ACOXL: variants seen among roughly 807,000 people sequenced by gnomAD.
ACOXL encodes the protein acyl-CoA oxidase like, also known as acyl-coenzyme A oxidase-like protein.
A neutral mutation model predicts 71.9 loss-of-function variants in ACOXL; 70 were observed. That is an observed-to-expected ratio of 0.97 (90% CI 0.80 to 1.19). The LOEUF (loss-of-function observed/expected upper bound fraction) is 1.19, where lower values mean the gene tolerates loss of function less well. Ranked by LOEUF, ACOXL falls within the 50% of genes most tolerant of loss-of-function variation. The pLI, the probability that ACOXL is intolerant of heterozygous loss-of-function variation, is 0.00. For synonymous variants in ACOXL, 253 were observed against 281.6 expected, an observed-to-expected ratio of 0.90 and a Z score of 1.02; for missense variants, 703 against 736.3, an observed-to-expected ratio of 0.95 and a Z score of 0.52.
intron 14 of ACOXL, among the ~76,000 whole-genome samples, chr2:111,025,667 G>T (rs1022988810): frequency 2.0e-5 from 3 of 152,124 alleles, no homozygotes; most frequent in African/African-American, 7.2e-5. Flanking sequence ...GTTTTCCTGT[G>T]ACTGAGCTGT....
chr2:110,886,547 T>G (rs1472423614), intron 10 of ACOXL, among the ~76,000 whole-genome samples: 1 of 152,012 alleles, frequency 6.6e-6, no homozygotes, highest in East Asian at 1.9e-4. Flanking sequence ...TGGCTAGTAT[T>G]TTTGTATTTC....
chr2:110,828,787 G>A lies in ACOXL; in HGVS notation c.754-12584G>A, dbSNP rs926255905. On this transcript the variant is annotated intron_variant, in intron 9 of 17. Coordinates refer to ENST00000439055, the MANE Select transcript of ACOXL (RefSeq NM_001142807.4). ...TAAGGATGCTTCTTTGGGGAGCTCT[G>A]AGGAATCACCCACTTGTACTATCTT... Among the ~76,000 whole-genome samples, 12 of 152,170 alleles carry A rather than the reference G, an allele frequency of 7.9e-5. No individual in the cohort carries two copies. The South Asian group carries it at 2.3e-3, about 29-fold the overall frequency.
At chr2:110,878,390 G>A (rs566680279) in intron 10 of ACOXL, among the ~76,000 whole-genome samples, 2 of 152,298 alleles carry the variant, frequency 1.3e-5, no homozygotes, top group South Asian at 4.1e-4. Context: ...ACAAAGAAAT[G>A]GAAAATATTC....
At chr2:111,081,144 C>T (rs1244388527) in intron 16 of ACOXL, among the ~76,000 whole-genome samples, 1 of 152,134 alleles carries the variant, frequency 6.6e-6, no homozygotes, top group Non-Finnish European at 1.5e-5. Flanking sequence ...CACTCCTATT[C>T]AACATAGTAT....
chr2:110,740,407 G>A lies in ACOXL; in HGVS notation c.-23+7633G>A, dbSNP rs1334756554. Reference sequence around the variant, plus strand: ...GATGGGCCGGTGAGTGGTGAGGTGGGCCCTGGCTCCCAGGAGCTTCTGCAG... The same window carrying A: ...GATGGGCCGGTGAGTGGTGAGGTGGACCCTGGCTCCCAGGAGCTTCTGCAG... On this transcript the variant is annotated intron_variant, in intron 1 of 17. Transcript: ENST00000439055. 5.3e-5 allele frequency among the ~76,000 whole-genome samples: 8 copies of A among 152,268 alleles called. No individual in the cohort carries two copies. In the South Asian group the frequency reaches 1.7e-3, roughly 32 times the overall value.
chr2:110,970,412 A>G (rs1273304597), intron 12 of ACOXL, among the ~76,000 whole-genome samples: 1 of 152,262 alleles, frequency 6.6e-6, no homozygotes, highest in Non-Finnish European at 1.5e-5. Flanking sequence ...GTCAGTTTAC[A>G]CAGAAAAAGC....
At chr2:110,845,581 A>G (rs1691730078) in intron 10 of ACOXL, among the ~76,000 whole-genome samples, 1 of 152,198 alleles carries the variant, frequency 6.6e-6, no homozygotes, top group Non-Finnish European at 1.5e-5. Flanking sequence ...TAAACAATAC[A>G]TTTCCTTCCT....
At chr2:110,878,022 T>C (rs1425670783) in intron 10 of ACOXL, among the ~76,000 whole-genome samples, 1 of 152,228 alleles carries the variant, frequency 6.6e-6, no homozygotes, top group Admixed American at 6.5e-5. Flanking sequence ...TCAACGTTTT[T>C]AAGCAAGCTC....
At position 110,995,974 on chromosome 2, in the gene ACOXL, G is replaced by C; in HGVS notation, c.1251G>C (p.Gln417His). 14 of 1,591,018 alleles carry C rather than the reference G, an allele frequency of 8.8e-6. No homozygotes were observed. Among genetic ancestry groups the C allele is most frequent in the Non-Finnish European group, 1.2e-5 (14 of 1,179,132 alleles). ...TGAAATTTCGTGAAAGGGTTCTTCA[G>C]CGGGGTTTGGTGGCCAGAATTTATT... is the stretch of plus-strand genomic sequence containing the variant. ...KAVKFRERVL[Q>H]RGLVARIYYK... Residue 417 changes from glutamine to histidine, a missense_variant, in exon 14 of 18, where the codon CAG becomes CAC. Physicochemically the swap from Gln to His is conservative, Grantham distance 24. Coordinates refer to ENST00000439055, the MANE Select transcript of ACOXL (RefSeq NM_001142807.4).
At chr2:111,093,405 C>G in intron 17 of ACOXL, 36 of 1,596,586 alleles carry the variant, frequency 2.3e-5, no homozygotes, top group Non-Finnish European at 3.1e-5. Flanking sequence ...GTATTCACCA[C>G]GAAAATGCTA....
intron 10 of ACOXL, among the ~76,000 whole-genome samples, chr2:110,867,861 C>A (rs1694797889): frequency 6.6e-6 from 1 of 152,080 alleles, no homozygotes; most frequent in Non-Finnish European, 1.5e-5. Context: ...CTCTTGGGCT[C>A]ACGCCATTCT....
chr2:110,740,532 A>G (rs1035873460), intron 1 of ACOXL, among the ~76,000 whole-genome samples: 1 of 152,202 alleles, frequency 6.6e-6, no homozygotes, highest in African/African-American at 2.4e-5. Flanking sequence ...TATCCCAGAC[A>G]TCCTATTTTC....
At chr2:110,988,586 A>G (rs2063035921) in intron 13 of ACOXL, among the ~76,000 whole-genome samples, 1 of 152,204 alleles carries the variant, frequency 6.6e-6, no homozygotes, top group African/African-American at 2.4e-5. Flanking sequence ...ACTTTACTAG[A>G]TAGTGACAAA....
intron 16 of ACOXL, among the ~76,000 whole-genome samples, chr2:111,053,375 T>TTGTG (rs3051585): frequency 6.9e-4 from 105 of 151,792 alleles, no homozygotes; most frequent in Middle Eastern, 6.8e-3. Context: ...AACATGGATT[T>TTGTG]TGTGTGTGTG....
rs567889198 is a variant in ACOXL at position 110,936,901 on chromosome 2, G to A, written c.1059+3259G>A. 6.0e-5 allele frequency among the ~76,000 whole-genome samples: 9 copies of A among 151,072 alleles called. No individual in the cohort carries two copies. The East Asian group carries it at 1.6e-3, about 26-fold the overall frequency. ...CTTGCTGTGTTGCCCAGGCTGGAGT[G>A]CAATGGTGCAATCTTGGCTCACCAC... On this transcript the variant is annotated intron_variant, in intron 12 of 17. Transcript: ENST00000439055.
intron 11 of ACOXL, among the ~76,000 whole-genome samples, chr2:110,918,091 G>A (rs4438527): frequency 6.6e-6 from 1 of 152,122 alleles, no homozygotes; most frequent in African/African-American, 2.4e-5. Flanking sequence ...AAAAGAGTCC[G>A]CATAGCCAAG....
rs777944015 is a variant in ACOXL, at chr2:110,841,385, A to G, written c.768A>G (p.Ile256Met). The G allele has an allele frequency of 6.8e-6, 11 of 1,610,006 alleles. No homozygotes were observed. Among genetic ancestry groups the G allele is most frequent in the East Asian group, 2.2e-5 (1 of 44,870 alleles). Reference sequence around the variant, plus strand: ...TTTAATTACAGCTTGGGTTGACGATAGCCATTCGCTATAGCCACAGGTAAA... The same window carrying G: ...TTTAATTACAGCTTGGGTTGACGATGGCCATTCGCTATAGCCACAGGTAAA... ...AMGAMKLGLT[I>M]AIRYSHSRRQ... The change falls in exon 10 of 18, where the codon ATA becomes ATG. Residue 256 changes from isoleucine to methionine, a missense_variant. Ile to Met is a conservative substitution (Grantham distance 10). Transcript: ENST00000439055.
chr2:110,860,134 G>A (rs1273505208), intron 10 of ACOXL, among the ~76,000 whole-genome samples: 2 of 152,056 alleles, frequency 1.3e-5, no homozygotes, highest in African/African-American at 2.4e-5. Flanking sequence ...GTTTTGAGGT[G>A]GAGTCTTGCT....
intron 3 of ACOXL, 37 bp downstream of exon 3, chr2:110,784,852 T>C: frequency 6.4e-7 from 1 of 1,553,146 alleles, no homozygotes; most frequent in Non-Finnish European, 8.7e-7. Context: ...CATGAATGCA[T>C]GCTCGCTTTG....
Sources: allele counts gnomAD v4.1 joint callset (sites outside exome capture counted in the v4.1 genomes callset), GRCh38; gene constraint gnomAD v4.1.1; transcripts MANE v1.5; gene names NCBI Gene and HGNC (gene_info 2026-07-23, HGNC 2026-07-21).